The following DDR2 variants were observed in gnomAD, a reference collection of about 807,000 sequenced individuals.
DDR2 encodes discoidin domain receptor tyrosine kinase 2.
Under a neutral mutation model 94.9 loss-of-function variants are expected in DDR2, and 27 were observed. That is an observed-to-expected ratio of 0.28 (90% CI 0.21 to 0.39). The LOEUF (loss-of-function observed/expected upper bound fraction) is 0.39, where lower values mean the gene tolerates loss of function less well. Ranked by LOEUF, DDR2 falls within the 10% of genes least tolerant of loss-of-function variation. The probability of loss-of-function intolerance (pLI) is 1.00; values close to 1 mark genes in which losing one functional copy is unlikely to be tolerated. For missense variants in DDR2, 783 were observed against 1,076.0 expected (o/e 0.73, Z 3.81); for synonymous variants, 382 against 377.2 (o/e 1.01, Z -0.15).
rs963538409 is a variant in DDR2 at position 162,741,490 on chromosome 1, T to G, written c.83-11605T>G. 3.8e-5 allele frequency: 26 copies of G among 679,838 alleles called. No individual in the cohort carries two copies. In the African/African-American group the frequency reaches 4.9e-4, roughly 13 times the overall value. The allele number at this position is 679,838 out of a possible 1,614,324, so 42.1% of individuals were successfully genotyped here. ...ATATTTTGAGAGTAATAGTGTGTACTCTGCCAACTACATAGGGTTATTGCA... is the reference window on the plus strand; with the variant it reads ...ATATTTTGAGAGTAATAGTGTGTACGCTGCCAACTACATAGGGTTATTGCA... On this transcript the variant is annotated intron_variant, in intron 3 of 17. Coordinates refer to ENST00000367921, the MANE Select transcript of DDR2 (RefSeq NM_006182.4).
intron 1 of DDR2, among the ~76,000 whole-genome samples, chr1:162,636,438 T>G (rs940991533): frequency 7.2e-5 from 11 of 152,200 alleles, no homozygotes; most frequent in Non-Finnish European, 1.5e-4. Context: ...TGGCTTGTGA[T>G]TTGTGCCTAA....
intron 2 of DDR2, among the ~76,000 whole-genome samples, chr1:162,667,461 C>A (rs982764367): frequency 1.3e-5 from 2 of 152,108 alleles, no homozygotes; most frequent in African/African-American, 4.8e-5. Flanking sequence ...CAATAAAGCA[C>A]AAGTCAACAG....
rs1266078154 is a variant in DDR2, at chr1:162,780,283, T to G, written c.*37T>G. On this transcript the variant is annotated 3_prime_UTR_variant, in exon 18 of 18. Transcript: ENST00000367921. ...CCTGGCCATGTTCCTACGGCTCAGG[T>G]CCTCCCTACAAGACCTACCACTCAC... is the stretch of plus-strand genomic sequence containing the variant. 2 of 1,613,174 alleles carry G rather than the reference T, an allele frequency of 1.2e-6. No homozygotes were observed. The highest frequency in any genetic ancestry group is 1.7e-6 in the Non-Finnish European group (2 of 1,179,654).
chr1:162,748,644 A>G (rs1452820444), intron 3 of DDR2, among the ~76,000 whole-genome samples: 1 of 152,246 alleles, frequency 6.6e-6, no homozygotes, highest in Non-Finnish European at 1.5e-5. Flanking sequence ...TCAGCTCTGC[A>G]CCAAGTGGAC....
rs765486190 is a variant in DDR2 at position 162,775,788 on chromosome 1, T to C, written c.1993T>C (p.Phe665Leu). 1 of 1,614,124 alleles carries C rather than the reference T, an allele frequency of 6.2e-7. No individual in the cohort carries two copies. Among genetic ancestry groups the C allele is most frequent in the South Asian group, 1.1e-5 (1 of 91,068 alleles). The change falls in exon 15 of 18, where the codon TTT (phenylalanine) becomes CTT (leucine). Residue 665 changes from phenylalanine (F) to leucine (L), a missense_variant. Physicochemically the swap from Phe to Leu is conservative, Grantham distance 22. This residue lies in a region of DDR2 where 264 missense variants were observed against 428.2 expected (regional missense o/e 0.62). Transcript: ENST00000367921. ...EYMENGDLNQ[F>L]LSRHEPPNSS... Reference sequence around the variant, plus strand: ...CATGGAGAATGGAGATCTCAATCAGTTTCTTTCCCGCCACGAGCCCCCTAA... The same window carrying C: ...CATGGAGAATGGAGATCTCAATCAGCTTCTTTCCCGCCACGAGCCCCCTAA...
chr1:162,676,337 C>G (rs1659121626), intron 2 of DDR2, among the ~76,000 whole-genome samples: 2 of 152,176 alleles, frequency 1.3e-5, no homozygotes, highest in African/African-American at 2.4e-5. Flanking sequence ...TAATTTCTCC[C>G]TCCTTATGCC....
intron 2 of DDR2, among the ~76,000 whole-genome samples, chr1:162,712,245 C>A (rs1313450556): frequency 6.7e-6 from 1 of 149,014 alleles, no homozygotes; most frequent in African/African-American, 2.5e-5. Context: ...GCCACATATT[C>A]ATTGAAGTTC....
chr1:162,764,305 G>T (rs1461701698), intron 9 of DDR2, among the ~76,000 whole-genome samples: 10 of 150,612 alleles, frequency 6.6e-5, no homozygotes, highest in Admixed American at 6.0e-4. Flanking sequence ...GCCAGAAACT[G>T]TGCCAAATCT....
intron 7 of DDR2, among the ~76,000 whole-genome samples, chr1:162,758,547 T>C (rs746889891): frequency 2.0e-5 from 3 of 152,188 alleles, no homozygotes; most frequent in Non-Finnish European, 4.4e-5. Context: ...ATATATTTAT[T>C]GCAAGTAAAC....
chr1:162,772,201 A>G lies in DDR2; in HGVS notation c.1682A>G (p.Lys561Arg). The change falls in exon 13 of 18, where the codon AAA becomes AGA. Residue 561 changes from lysine (K) to arginine (R), a missense_variant. Transcript: ENST00000367921. ...GTGGCTGTGGAGGAGTTCCCCAGGA[A>G]ACTCCTAACTTTCAAAGAGAAGCTG... ...KDVAVEEFPR[K>R]LLTFKEKLGE... The G allele has an allele frequency of 6.2e-7, 1 of 1,614,222 alleles. No individual in the cohort carries two copies. The highest frequency in any genetic ancestry group is 8.5e-7 in the Non-Finnish European group (1 of 1,180,044).
intron 2 of DDR2, among the ~76,000 whole-genome samples, chr1:162,710,160 T>C (rs1386003662): frequency 6.6e-6 from 1 of 151,934 alleles, no homozygotes; most frequent in Non-Finnish European, 1.5e-5. Context: ...TCTAGCACTT[T>C]CCCCCCTCAC....
intron 10 of DDR2, 151 bp from the exon 11 acceptor site, chr1:162,767,078 A>G: frequency 3.8e-6 from 4 of 1,064,286 alleles, no homozygotes; most frequent in Non-Finnish European, 5.5e-6. Flanking sequence ...AAACAGTAGC[A>G]AGAGCAAGAA....
chr1:162,741,529 G>T (rs1185612406), intron 3 of DDR2: 23 of 953,782 alleles, frequency 2.4e-5, no homozygotes, highest in Non-Finnish European at 2.9e-5. Flanking sequence ...GTAAAGCAAA[G>T]ATAAGCCATG....
chr1:162,712,100 A>G (rs905552217), intron 2 of DDR2, among the ~76,000 whole-genome samples: 1 of 151,458 alleles, frequency 6.6e-6, no homozygotes, highest in African/African-American at 2.4e-5. Context: ...ATACCATCCT[A>G]TCTGAGCACT....
chr1:162,697,209 G>A (rs539439604), intron 2 of DDR2, among the ~76,000 whole-genome samples: 20 of 151,816 alleles, frequency 1.3e-4, no homozygotes, highest in African/African-American at 3.2e-4. Flanking sequence ...GTTAGAGTGC[G>A]TCTTTCTTAG....
intron 13 of DDR2, 157 bp downstream of exon 13, chr1:162,772,404 A>C: frequency 1.2e-6 from 1 of 808,690 alleles, no homozygotes. Flanking sequence ...TATTGGGTCA[A>C]CCTAATCTTT....
intron 2 of DDR2, among the ~76,000 whole-genome samples, chr1:162,701,949 CT>C (rs1188054438): frequency 1.3e-5 from 2 of 152,116 alleles, no homozygotes; most frequent in African/African-American, 2.4e-5. Context: ...AGTAAATCCC[CT>C]TGTTTTCTTG....
At chr1:162,668,115 A>T (rs185779586) in intron 2 of DDR2, among the ~76,000 whole-genome samples, 1 of 152,102 alleles carries the variant, frequency 6.6e-6, no homozygotes, top group Admixed American at 6.6e-5. Flanking sequence ...GATGCCAAAA[A>T]CTCAGCTATC....
At chr1:162,712,893 T>C (rs897534136) in intron 2 of DDR2, among the ~76,000 whole-genome samples, 1 of 152,132 alleles carries the variant, frequency 6.6e-6, no homozygotes, top group Non-Finnish European at 1.5e-5. Context: ...GATAGAGATA[T>C]GCAAGATCCT....
Sources: allele counts gnomAD v4.1 joint callset (sites outside exome capture counted in the v4.1 genomes callset), GRCh38; gene constraint gnomAD v4.1.1; regional missense constraint gnomAD v4.1.1; transcripts MANE v1.5; gene names NCBI Gene and HGNC (gene_info 2026-07-23, HGNC 2026-07-21).